Variants in SEMA3D observed in about 807,000 individuals in gnomAD.
The protein encoded by SEMA3D is semaphorin 3D, also known as semaphorin-3D.
In SEMA3D, 84 loss-of-function variants were observed where a neutral mutation model predicts 100.1. That is an observed-to-expected ratio of 0.84 (90% CI 0.70 to 1.01). SEMA3D has a LOEUF of 1.01. SEMA3D is among the 50% of genes least tolerant of loss of function. The probability of loss-of-function intolerance (pLI) is 0.00; values close to 1 mark genes in which losing one functional copy is unlikely to be tolerated. For missense variants in SEMA3D, 875 were observed against 934.1 expected (o/e 0.94, Z 0.82); for synonymous variants, 312 against 320.7 (o/e 0.97, Z 0.29).
At chr7:85,104,300 AC>A (rs1318486983) in intron 3 of SEMA3D, among the ~76,000 whole-genome samples, 2 of 152,086 alleles carry the variant, frequency 1.3e-5, no homozygotes, top group East Asian at 1.9e-4. Flanking sequence ...TATACTTGTG[AC>A]AAAGGACAAC....
the SEMA3D span, among the ~76,000 whole-genome samples, chr7:85,208,852 C>A: frequency 6.6e-6 from 1 of 152,040 alleles, no homozygotes; most frequent in African/African-American, 2.4e-5. Flanking sequence ...AAAATACACG[C>A]AATACTACAA....
At chr7:85,181,800 G>C in intron 1 of SEMA3D, 1 of 975,022 alleles carries the variant, frequency 1.0e-6, no homozygotes, top group Non-Finnish European at 1.2e-6. Flanking sequence ...GCTAGTTAAA[G>C]ATGACCTGGT....
the SEMA3D span, among the ~76,000 whole-genome samples, chr7:85,203,806 G>C: frequency 6.6e-6 from 1 of 151,454 alleles, no homozygotes; most frequent in East Asian, 1.9e-4. Flanking sequence ...GAAATACAGG[G>C]GGAAAACAAA....
At chr7:85,010,262 G>T (rs1398497111) in intron 17 of SEMA3D, among the ~76,000 whole-genome samples, 6 of 151,812 alleles carry the variant, frequency 4.0e-5, no homozygotes, top group African/African-American at 1.4e-4. Flanking sequence ...TAGCGATCAG[G>T]TCAAGAAGCA....
At chr7:85,177,597 T>C (rs1791274934) in intron 1 of SEMA3D, among the ~76,000 whole-genome samples, 1 of 152,156 alleles carries the variant, frequency 6.6e-6, no homozygotes, top group Non-Finnish European at 1.5e-5. Context: ...TTTTAAGTGC[T>C]TAAGATTGAT....
intron 1 of SEMA3D, among the ~76,000 whole-genome samples, chr7:85,168,233 G>A (rs867234383): frequency 6.6e-6 from 1 of 151,798 alleles, no homozygotes; most frequent in Admixed American, 6.6e-5. Context: ...TGGGTGGCTT[G>A]GTGGAGAGAG....
chr7:85,192,292 G>A, the SEMA3D span, among the ~76,000 whole-genome samples: 1 of 151,988 alleles, frequency 6.6e-6, no homozygotes, highest in Non-Finnish European at 1.5e-5. Context: ...TAGTAACTAA[G>A]TGAATGTCAA....
At position 85,083,719 on chromosome 7, in the gene SEMA3D, C is replaced by T. The variant is rs1187513267; in HGVS notation, c.313-2140G>A. Among the ~76,000 whole-genome samples, 7 of 150,878 alleles carry T rather than the reference C, an allele frequency of 4.6e-5. No homozygotes were observed. The South Asian group carries it at 6.3e-4, about 14-fold the overall frequency. Reference sequence around the variant, plus strand: ...AAAATTAGCCGGGCGTGGTGGCGGGCGCCTGTAGTCCCAGCTACTCGGGAG... The same window carrying T: ...AAAATTAGCCGGGCGTGGTGGCGGGTGCCTGTAGTCCCAGCTACTCGGGAG... On this transcript the variant is annotated intron_variant, in intron 4 of 18. Coordinates refer to ENST00000284136, the MANE Select transcript of SEMA3D (RefSeq NM_001384900.1).
chr7:85,001,844 G>C (rs568971271), intron 18 of SEMA3D, among the ~76,000 whole-genome samples: 1 of 152,214 alleles, frequency 6.6e-6, no homozygotes, highest in African/African-American at 2.4e-5. Context: ...AATAGAAAAT[G>C]GCCTGAGGTT....
chr7:85,069,115 T>C (rs993678245), intron 6 of SEMA3D, among the ~76,000 whole-genome samples: 3 of 152,294 alleles, frequency 2.0e-5, no homozygotes, highest in South Asian at 2.1e-4. Context: ...ATGCACTAGT[T>C]AGAGAAATCC....
At chr7:85,009,040 A>G (rs1464072259) in intron 17 of SEMA3D, among the ~76,000 whole-genome samples, 1 of 151,790 alleles carries the variant, frequency 6.6e-6, no homozygotes, top group Non-Finnish European at 1.5e-5. Flanking sequence ...GGTCCCAGGC[A>G]TTTCAGATAA....
chr7:85,198,151 A>AG, the SEMA3D span, among the ~76,000 whole-genome samples: 2 of 152,298 alleles, frequency 1.3e-5, no homozygotes, highest in East Asian at 3.9e-4. Flanking sequence ...CCAAACCAAT[A>AG]GTAACAACTT....
intron 1 of SEMA3D, among the ~76,000 whole-genome samples, chr7:85,174,622 TGTGGCACTAGAA>T (rs1318960630): frequency 6.6e-6 from 1 of 152,108 alleles, no homozygotes; most frequent in Admixed American, 6.6e-5. Context: ...GAAACAATCT[TGTGGCACTAGAA>T]GTAAGGGAGA....
chr7:85,223,978 C>T, the SEMA3D span, among the ~76,000 whole-genome samples: 1 of 151,762 alleles, frequency 6.6e-6, no homozygotes, highest in African/African-American at 2.4e-5. Flanking sequence ...CAAAGGCAGA[C>T]AGACACAGGA....
intron 8 of SEMA3D, among the ~76,000 whole-genome samples, chr7:85,060,414 C>A (rs1791439565): frequency 6.6e-6 from 1 of 152,014 alleles, no homozygotes; most frequent in African/African-American, 2.4e-5. Flanking sequence ...GATTTACTGC[C>A]AAATTTGGGT....
chr7:85,061,456 T>C (rs1791476954), intron 8 of SEMA3D, among the ~76,000 whole-genome samples: 1 of 152,130 alleles, frequency 6.6e-6, no homozygotes. Flanking sequence ...TAAAAATGGA[T>C]TTATAAAAGA....
chr7:85,007,610 C>A (rs1321146489), intron 17 of SEMA3D, among the ~76,000 whole-genome samples: 1 of 151,764 alleles, frequency 6.6e-6, no homozygotes, highest in Admixed American at 6.6e-5. Context: ...GTCTCAGACA[C>A]CTTATTCTCA....
the SEMA3D span, among the ~76,000 whole-genome samples, chr7:85,220,861 A>G: frequency 1.3e-5 from 2 of 152,264 alleles, no homozygotes; most frequent in East Asian, 1.9e-4. Flanking sequence ...TTCAGGTCAG[A>G]GGGGCCTGGC....
At chr7:85,239,664 C>T in the SEMA3D span, among the ~76,000 whole-genome samples, 4 of 152,268 alleles carry the variant, frequency 2.6e-5, no homozygotes, top group African/African-American at 9.6e-5. Context: ...TGGAACTGTA[C>T]TCACAAACGT....
Sources: gnomAD v4.1 joint callset for allele counts (sites outside exome capture counted in the v4.1 genomes callset) on GRCh38, gnomAD v4.1.1 for gene constraint, MANE v1.5 for transcripts, NCBI Gene and HGNC (gene_info 2026-07-23, HGNC 2026-07-21) for gene names.